FSHR: variants seen among roughly 807,000 people sequenced by gnomAD.
FSHR encodes the protein follicle stimulating hormone receptor.
FSHR carries 46 observed loss-of-function variants against 52.1 expected under a neutral mutation model. That is an observed-to-expected ratio of 0.88 (90% CI 0.70 to 1.13). The LOEUF (loss-of-function observed/expected upper bound fraction) is 1.13, where lower values mean the gene tolerates loss of function less well. FSHR is among the 50% of genes most tolerant of loss of function. FSHR has a pLI of 0.00. For missense variants in FSHR, 964 were observed against 834.6 expected, an observed-to-expected ratio of 1.16 and a Z score of -1.91; for synonymous variants, 399 against 309.6, an observed-to-expected ratio of 1.29 and a Z score of -3.03.
At chr2:49,119,066 G>A (rs1445453635) in intron 1 of FSHR, among the ~76,000 whole-genome samples, 1 of 152,148 alleles carries the variant, frequency 6.6e-6, no homozygotes, top group Non-Finnish European at 1.5e-5. Context: ...GGACCTCCAC[G>A]TTACATGGGC....
chr2:49,006,591 A>G (rs977780704), intron 4 of FSHR, among the ~76,000 whole-genome samples: 1 of 152,074 alleles, frequency 6.6e-6, no homozygotes, highest in Non-Finnish European at 1.5e-5. Flanking sequence ...AATCATATTT[A>G]TCACTCAAGT....
chr2:49,014,551 C>G (rs1056213177), intron 4 of FSHR: 5 of 187,464 alleles, frequency 2.7e-5, no homozygotes, highest in Non-Finnish European at 3.3e-5. Flanking sequence ...AGTATCTCCC[C>G]TGCCCTCATC....
At chr2:49,054,467 C>A (rs531317257) in intron 2 of FSHR, among the ~76,000 whole-genome samples, 1 of 152,014 alleles carries the variant, frequency 6.6e-6, no homozygotes, top group African/African-American at 2.4e-5. Flanking sequence ...TCCCTGTGGG[C>A]CACCCCAAGC....
chr2:49,013,517 A>AC (rs1667367897), intron 4 of FSHR, among the ~76,000 whole-genome samples: 1 of 133,152 alleles, frequency 7.5e-6, no homozygotes, highest in East Asian at 2.1e-4. Flanking sequence ...TATATATATA[A>AC]ATATATATAA....
chr2:48,995,315 G>A (rs2104120699), intron 4 of FSHR, among the ~76,000 whole-genome samples: 1 of 152,210 alleles, frequency 6.6e-6, no homozygotes, highest in East Asian at 1.9e-4. Flanking sequence ...GATTGTGAAT[G>A]CTTTATGAGT....
intron 1 of FSHR, among the ~76,000 whole-genome samples, chr2:49,144,718 G>T (rs1316204529): frequency 6.6e-6 from 1 of 152,054 alleles, no homozygotes; most frequent in Non-Finnish European, 1.5e-5. Context: ...TTCCTTTCCT[G>T]CCCTGACGAG....
intron 1 of FSHR, among the ~76,000 whole-genome samples, chr2:49,127,519 TACACACAC>T (rs72289679): frequency 6.8e-6 from 1 of 147,040 alleles, no homozygotes; most frequent in African/African-American, 2.5e-5. Context: ...ACCACCACAA[TACACACAC>T]ACACACACAC....
chr2:49,036,534 C>T (rs555490138), intron 2 of FSHR, among the ~76,000 whole-genome samples: 7 of 151,480 alleles, frequency 4.6e-5, no homozygotes, highest in Non-Finnish European at 8.8e-5. Flanking sequence ...TATATAAATA[C>T]ATAGGGCACA....
intron 3 of FSHR, 73 bp from the exon 4 acceptor site, chr2:49,017,636 A>C: frequency 3.7e-6 from 4 of 1,089,606 alleles, no homozygotes; most frequent in Non-Finnish European, 5.6e-6. Context: ...CATTTTACAG[A>C]GTACATAATA....
intron 1 of FSHR, among the ~76,000 whole-genome samples, chr2:49,108,757 T>C (rs1055465781): frequency 5.9e-5 from 9 of 152,290 alleles, no homozygotes; most frequent in African/African-American, 2.2e-4. Context: ...GGGTGAATTG[T>C]GGCCTGGAGG....
intron 8 of FSHR, among the ~76,000 whole-genome samples, chr2:48,970,820 C>T (rs1674709789): frequency 1.3e-5 from 2 of 152,132 alleles, no homozygotes; most frequent in African/African-American, 4.8e-5. Context: ...CTTCCAGTTT[C>T]CCCTGTTTTT....
At chr2:49,051,319 T>G (rs1462088326) in intron 2 of FSHR, among the ~76,000 whole-genome samples, 1 of 152,138 alleles carries the variant, frequency 6.6e-6, no homozygotes, top group Non-Finnish European at 1.5e-5. Flanking sequence ...GTAGGAGAGT[T>G]CCAGTTGCTT....
intron 1 of FSHR, among the ~76,000 whole-genome samples, chr2:49,117,092 G>A (rs1233941559): frequency 6.6e-6 from 1 of 152,126 alleles, no homozygotes; most frequent in African/African-American, 2.4e-5. Flanking sequence ...TTATAGGCCT[G>A]GTTAGAGTTT....
At chr2:49,064,253 A>ATG (rs1169098012) in intron 2 of FSHR, among the ~76,000 whole-genome samples, 2 of 119,310 alleles carry the variant, frequency 1.7e-5, no homozygotes, top group African/African-American at 2.8e-5. Context: ...TCTGGTTTAA[A>ATG]TATTTTTTCC....
At chr2:48,989,974 C>T (rs1240542487) in intron 5 of FSHR, among the ~76,000 whole-genome samples, 1 of 152,174 alleles carries the variant, frequency 6.6e-6, no homozygotes, top group Non-Finnish European at 1.5e-5. Flanking sequence ...TCTCTCCTCC[C>T]TCCCTGCTTA....
intron 1 of FSHR, among the ~76,000 whole-genome samples, chr2:49,076,467 G>T (rs1171109622): frequency 6.6e-6 from 1 of 152,134 alleles, no homozygotes; most frequent in Non-Finnish European, 1.5e-5. Flanking sequence ...ACCTCCCACT[G>T]GGTCCTTCCC....
At chr2:49,073,595 A>G (rs951507669) in intron 1 of FSHR, among the ~76,000 whole-genome samples, 8 of 152,094 alleles carry the variant, frequency 5.3e-5, no homozygotes, top group African/African-American at 1.9e-4. Flanking sequence ...CAGAATAATT[A>G]ATATTGTTAA....
At chr2:49,146,656 G>A (rs1264664636) in intron 1 of FSHR, among the ~76,000 whole-genome samples, 2 of 152,042 alleles carry the variant, frequency 1.3e-5, no homozygotes, top group East Asian at 3.9e-4. Flanking sequence ...GACGCCTAGA[G>A]AAAGCCTATT....
intron 4 of FSHR, chr2:49,014,709 C>T (rs539022848): frequency 4.7e-5 from 11 of 235,312 alleles, no homozygotes; most frequent in South Asian, 1.4e-4. Context: ...GTTTCCAATC[C>T]GCATTTTCAG....
Sources: gnomAD v4.1 joint callset for allele counts (sites outside exome capture counted in the v4.1 genomes callset) on GRCh38, gnomAD v4.1.1 for gene constraint, MANE v1.5 for transcripts, NCBI Gene and HGNC (gene_info 2026-07-23, HGNC 2026-07-21) for gene names.